Variants in UBE3D observed in about 807,000 individuals in gnomAD.
UBE3D encodes the protein ubiquitin protein ligase E3D, also known as E3 ubiquitin-protein ligase E3D.
UBE3D carries 48 observed loss-of-function variants against 49.6 expected under a neutral mutation model. The ratio of observed to expected loss-of-function variants is 0.97; its 90% confidence interval spans 0.77 to 1.23. The LOEUF (loss-of-function observed/expected upper bound fraction) is 1.23. Ranked by LOEUF, UBE3D falls within the 50% of genes most tolerant of loss-of-function variation. The probability of loss-of-function intolerance (pLI) is 0.00; values close to 1 mark genes in which losing one functional copy is unlikely to be tolerated. For missense variants in UBE3D, 452 were observed against 468.4 expected, an observed-to-expected ratio of 0.96 and a Z score of 0.32; for synonymous variants, 189 against 174.2, an observed-to-expected ratio of 1.08 and a Z score of -0.67.
chr6:82,946,910 C>T (rs1047834103), intron 9 of UBE3D, among the ~76,000 whole-genome samples: 2 of 146,350 alleles, frequency 1.4e-5, no homozygotes, highest in Non-Finnish European at 3.0e-5. Context: ...ATACAACAGG[C>T]ACAGAAAAAA....
the UBE3D span, among the ~76,000 whole-genome samples, chr6:82,883,681 T>C: frequency 2.0e-5 from 3 of 152,284 alleles, no homozygotes; most frequent in African/African-American, 7.2e-5. Flanking sequence ...AGAAGACAGC[T>C]TTCCCAGGAT....
At chr6:82,976,343 T>A (rs1777714885) in intron 8 of UBE3D, among the ~76,000 whole-genome samples, 1 of 152,196 alleles carries the variant, frequency 6.6e-6, no homozygotes. Flanking sequence ...GTTTTAACAG[T>A]TGGGTTTTTC....
chr6:82,893,535 G>A (rs1272874281), intron 9 of UBE3D, among the ~76,000 whole-genome samples: 2 of 152,106 alleles, frequency 1.3e-5, no homozygotes, highest in Non-Finnish European at 2.9e-5. Context: ...ACAGTCTTAC[G>A]AACAAACTAT....
intron 9 of UBE3D, chr6:82,932,455 C>T (rs545604767): frequency 5.5e-4 from 83 of 152,250 alleles, no homozygotes; most frequent in African/African-American, 1.8e-3. Flanking sequence ...TCCTTATACT[C>T]CATGCTGTGA....
At chr6:82,984,160 T>C (rs1778303207) in intron 8 of UBE3D, among the ~76,000 whole-genome samples, 1 of 152,206 alleles carries the variant, frequency 6.6e-6, no homozygotes. Context: ...ATATTCATAT[T>C]CTTATCATTC....
intron 4 of UBE3D, among the ~76,000 whole-genome samples, chr6:83,039,600 G>A (rs1782505149): frequency 1.3e-5 from 2 of 152,052 alleles, no homozygotes; most frequent in South Asian, 2.1e-4. Context: ...CCAATTCATG[G>A]AACCAATTCA....
chr6:82,995,235 G>T (rs527674594), intron 8 of UBE3D, among the ~76,000 whole-genome samples: 1 of 152,266 alleles, frequency 6.6e-6, no homozygotes, highest in Admixed American at 6.5e-5. Flanking sequence ...AAAAGCAAAT[G>T]ATTTTGCTTA....
intron 8 of UBE3D, among the ~76,000 whole-genome samples, chr6:82,958,810 AC>A (rs1262470379): frequency 6.6e-6 from 1 of 152,226 alleles, no homozygotes; most frequent in Non-Finnish European, 1.5e-5. Flanking sequence ...TTTTACATGT[AC>A]ATGGGGATCT....
intron 8 of UBE3D, among the ~76,000 whole-genome samples, chr6:82,998,483 A>G (rs562876621): frequency 1.3e-5 from 2 of 152,192 alleles, no homozygotes; most frequent in Non-Finnish European, 2.9e-5. Context: ...AGGCCAATAC[A>G]TTTCCTTACA....
chr6:82,960,718 C>T (rs1217716258), intron 8 of UBE3D, among the ~76,000 whole-genome samples: 1 of 152,002 alleles, frequency 6.6e-6, no homozygotes, highest in Non-Finnish European at 1.5e-5. Context: ...TTTCCTCTAA[C>T]TTTCTCATCT....
intron 1 of UBE3D, among the ~76,000 whole-genome samples, chr6:83,063,412 TAA>T (rs201669450): frequency 6.6e-5 from 3 of 45,482 alleles, no homozygotes; most frequent in African/African-American, 2.6e-4. Flanking sequence ...AGACGCTGTC[TAA>T]AAAAAAAAAA....
chr6:82,940,939 A>G (rs748987366), intron 9 of UBE3D, among the ~76,000 whole-genome samples: 2 of 152,214 alleles, frequency 1.3e-5, no homozygotes, highest in Non-Finnish European at 2.9e-5. Context: ...ATGGCCGTGC[A>G]CGGTGCTTCA....
At chr6:83,006,239 CA>C (rs879748731) in intron 8 of UBE3D, among the ~76,000 whole-genome samples, 15 of 149,872 alleles carry the variant, frequency 1.0e-4, no homozygotes, top group East Asian at 1.9e-4. Context: ...AACAAACAAA[CA>C]AAAAAAAAAA....
chr6:83,025,560 C>T (rs748535180), intron 5 of UBE3D, among the ~76,000 whole-genome samples: 9 of 151,986 alleles, frequency 5.9e-5, no homozygotes, highest in Non-Finnish European at 8.8e-5. Flanking sequence ...GACAGACTTC[C>T]GGAAAGCCAC....
At chr6:83,038,985 T>C (rs1343291115) in intron 4 of UBE3D, among the ~76,000 whole-genome samples, 2 of 152,238 alleles carry the variant, frequency 1.3e-5, no homozygotes, top group Admixed American at 6.5e-5. Context: ...AGTCTGTTCA[T>C]ATACTTCCAT....
chr6:82,968,869 T>G (rs528643124), intron 8 of UBE3D, among the ~76,000 whole-genome samples: 1 of 152,222 alleles, frequency 6.6e-6, no homozygotes, highest in African/African-American at 2.4e-5. Flanking sequence ...TTATCTTATT[T>G]TCAAATTTTG....
At chr6:82,937,771 C>T (rs1774694924) in intron 9 of UBE3D, among the ~76,000 whole-genome samples, 2 of 152,286 alleles carry the variant, frequency 1.3e-5, no homozygotes, top group African/African-American at 4.8e-5. Context: ...AAATTACGGG[C>T]TGTCAGAGAA....
At position 82,943,910 on chromosome 6, in the gene UBE3D, C is replaced by A. The variant is rs116040141; in HGVS notation, c.1149+13402G>T. ...CCAAGTGGAACTCAGCCGATGCCCA[C>A]ACAAGCAGGGAGCATGCAGATCAAC... On this transcript the variant is annotated intron_variant, in intron 9 of 9. Coordinates refer to ENST00000369747, the MANE Select transcript of UBE3D (RefSeq NM_198920.3). Among the ~76,000 whole-genome samples the A allele has an allele frequency of 3.0e-3, 450 of 152,198 alleles. 3 individuals are homozygous for A. Among genetic ancestry groups the A allele is most frequent in the African/African-American group, 0.01 (434 of 41,526 alleles).
intron 8 of UBE3D, among the ~76,000 whole-genome samples, chr6:82,978,686 A>G (rs1019080509): frequency 6.6e-6 from 1 of 152,190 alleles, no homozygotes; most frequent in Non-Finnish European, 1.5e-5. Flanking sequence ...ATTATGATAA[A>G]TCACCATGAA....
Sources: gnomAD v4.1 joint callset for allele counts (sites outside exome capture counted in the v4.1 genomes callset) on GRCh38, gnomAD v4.1.1 for gene constraint, MANE v1.5 for transcripts, NCBI Gene and HGNC (gene_info 2026-07-23, HGNC 2026-07-21) for gene names.